RBFOX1: variants seen among roughly 807,000 people sequenced by gnomAD.
RBFOX1 encodes the protein RNA binding protein fox-1 homolog 1.
Under a neutral mutation model 57.7 loss-of-function variants are expected in RBFOX1, and 8 were observed. That is an observed-to-expected ratio of 0.14 (90% confidence interval 0.08 to 0.25). The LOEUF is 0.25. Ranked by LOEUF, RBFOX1 falls within the 10% of genes least tolerant of loss-of-function variation. The pLI is 1.00. For missense variants in RBFOX1, 611 were observed against 548.5 expected (o/e 1.11, Z -1.14); for synonymous variants, 326 against 222.4 (o/e 1.47, Z -4.15).
chr16:5,674,896 C>T (rs975356700), intron 3 of RBFOX1, among the ~76,000 whole-genome samples: 2 of 152,112 alleles, frequency 1.3e-5, no homozygotes, highest in East Asian at 1.9e-4. Context: ...TCTGTAATCC[C>T]AGCACTTTGG....
intron 3 of RBFOX1, among the ~76,000 whole-genome samples, chr16:6,900,746 G>C (rs2068267946): frequency 6.6e-6 from 1 of 152,012 alleles, no homozygotes; most frequent in Non-Finnish European, 1.5e-5. Flanking sequence ...GTCTAAACTG[G>C]GATCTTCTGT....
At chr16:6,709,765 C>T (rs534486670) in intron 3 of RBFOX1, among the ~76,000 whole-genome samples, 20 of 152,226 alleles carry the variant, frequency 1.3e-4, no homozygotes, top group Admixed American at 5.2e-4. Flanking sequence ...TCCCTCTAAA[C>T]TCGCTCAGCC....
At chr16:5,443,333 G>A (rs1027651546) in intron 1 of RBFOX1, among the ~76,000 whole-genome samples, 4 of 152,040 alleles carry the variant, frequency 2.6e-5, no homozygotes, top group Non-Finnish European at 5.9e-5. Context: ...TACCATCTGC[G>A]TTTTGGTGTT....
chr16:6,872,198 T>C (rs1567655002), intron 3 of RBFOX1, among the ~76,000 whole-genome samples: 1 of 152,160 alleles, frequency 6.6e-6, no homozygotes, highest in Non-Finnish European at 1.5e-5. Context: ...CAACTTGTGC[T>C]CAGCACCTAG....
chr16:6,998,487 G>T lies in RBFOX1; in HGVS notation c.-15-53570G>T, dbSNP rs139481705. Among the ~76,000 whole-genome samples, 51 of 152,302 alleles carry T rather than the reference G, an allele frequency of 3.3e-4. No homozygotes were observed. The East Asian group carries it at 9.8e-3, about 29-fold the overall frequency. On this transcript the variant is annotated intron_variant, in intron 3 of 15. Transcript: ENST00000550418. ...AGGTTTTAGGGAAAAGATGATGTCAGAGCTCTTGGCAATGACTTGGCCCTA... is the reference window on the plus strand; with the variant it reads ...AGGTTTTAGGGAAAAGATGATGTCATAGCTCTTGGCAATGACTTGGCCCTA...
chr16:6,348,959 T>C (rs1165134796), intron 2 of RBFOX1, among the ~76,000 whole-genome samples: 2 of 152,226 alleles, frequency 1.3e-5, no homozygotes, highest in African/African-American at 2.4e-5. Flanking sequence ...GATTTGCTCA[T>C]TTTTGGAAGT....
At chr16:6,469,586 A>G (rs970509534) in intron 2 of RBFOX1, among the ~76,000 whole-genome samples, 5 of 152,234 alleles carry the variant, frequency 3.3e-5, no homozygotes, top group Non-Finnish European at 7.3e-5. Flanking sequence ...GAACAAATGC[A>G]TGTTCACATC....
chr16:6,198,984 A>T (rs2097198270), intron 1 of RBFOX1, among the ~76,000 whole-genome samples: 1 of 151,894 alleles, frequency 6.6e-6, no homozygotes, highest in South Asian at 2.1e-4. Context: ...TTGACTGAAC[A>T]TTTTTTAAAT....
intron 1 of RBFOX1, among the ~76,000 whole-genome samples, chr16:6,194,613 ACT>A (rs1286777364): frequency 6.6e-6 from 1 of 151,628 alleles, no homozygotes; most frequent in African/African-American, 2.4e-5. Flanking sequence ...TTATCTTCTA[ACT>A]CTCGATTCAG....
At chr16:7,280,393 C>T (rs2095518015) in intron 4 of RBFOX1, among the ~76,000 whole-genome samples, 1 of 152,194 alleles carries the variant, frequency 6.6e-6, no homozygotes, top group Non-Finnish European at 1.5e-5. Flanking sequence ...GAAAGACATG[C>T]ACAGTATCTG....
At chr16:7,557,496 T>A (rs2088938307) in intron 5 of RBFOX1, among the ~76,000 whole-genome samples, 1 of 150,988 alleles carries the variant, frequency 6.6e-6, no homozygotes, top group South Asian at 2.1e-4. Context: ...GGTGGGTGCC[T>A]GTAATCCCAC....
At chr16:5,312,492 T>G (rs767568971) in intron 1 of RBFOX1, among the ~76,000 whole-genome samples, 8 of 151,926 alleles carry the variant, frequency 5.3e-5, no homozygotes, top group Admixed American at 5.2e-4. Context: ...AATTTTGTGG[T>G]TTTTAGTAGA....
intron 4 of RBFOX1, among the ~76,000 whole-genome samples, chr16:7,072,346 A>T (rs893181603): frequency 2.0e-5 from 3 of 151,976 alleles, no homozygotes; most frequent in African/African-American, 7.3e-5. Context: ...GCTTACCCAC[A>T]ATCTGTTATT....
chr16:6,193,362 A>ATATATATATATACAT (rs1555545278), intron 1 of RBFOX1, among the ~76,000 whole-genome samples: 3 of 101,332 alleles, frequency 3.0e-5, no homozygotes, highest in East Asian at 3.0e-4. Context: ...TACATTATAT[A>ATATATATATATACAT]TATATATATA....
At chr16:6,294,484 T>C (rs2077845668) in intron 1 of RBFOX1, among the ~76,000 whole-genome samples, 1 of 152,254 alleles carries the variant, frequency 6.6e-6, no homozygotes, top group Non-Finnish European at 1.5e-5. Context: ...TTGCAGTTTG[T>C]GGTCTGTGAT....
At chr16:6,873,811 C>G (rs1007537420) in intron 3 of RBFOX1, 2 of 152,110 alleles carry the variant, frequency 1.3e-5, no homozygotes, top group Non-Finnish European at 2.9e-5. Context: ...TTGCCATTTT[C>G]CAGATAAGGA....
At chr16:6,031,726 T>C (rs751120045) in intron 1 of RBFOX1, among the ~76,000 whole-genome samples, 13 of 152,168 alleles carry the variant, frequency 8.5e-5, no homozygotes, top group South Asian at 6.2e-4. Context: ...AGTGGGGAGA[T>C]TGCTGACTTC....
intron 2 of RBFOX1, among the ~76,000 whole-genome samples, chr16:6,357,122 G>A (rs2152859109): frequency 6.6e-6 from 1 of 152,110 alleles, no homozygotes; most frequent in South Asian, 2.1e-4. Context: ...TGCCCTGCTT[G>A]CGGATTTTAT....
intron 4 of RBFOX1, among the ~76,000 whole-genome samples, chr16:7,371,083 C>T (rs778901263): frequency 3.9e-5 from 6 of 152,152 alleles, no homozygotes; most frequent in Non-Finnish European, 7.3e-5. Context: ...TAGTTTTACG[C>T]AGGTTTTCAG....
Sources: gnomAD v4.1 joint callset for allele counts (sites outside exome capture counted in the v4.1 genomes callset) on GRCh38, gnomAD v4.1.1 for gene constraint, MANE v1.5 for transcripts, NCBI Gene and HGNC (gene_info 2026-07-23, HGNC 2026-07-21) for gene names.